Variants in PSG1 observed in about 807,000 individuals in gnomAD.
PSG1 encodes the protein pregnancy specific beta-1-glycoprotein 1, also known as pregnancy-specific beta-1-glycoprotein 1.
PSG1 carries 60 observed loss-of-function variants against 41.4 expected under a neutral mutation model. The observed-to-expected ratio is 1.45, with a 90% confidence interval of 1.18 to 1.80. The LOEUF (loss-of-function observed/expected upper bound fraction) is 1.80. PSG1 is among the 40% of genes most tolerant of loss of function. The probability of loss-of-function intolerance (pLI) is 0.00; values close to 1 mark genes in which losing one functional copy is unlikely to be tolerated. For synonymous variants in PSG1, 256 were observed against 192.9 expected, an observed-to-expected ratio of 1.33 and a Z score of -2.71; for missense variants, 806 against 516.9, an observed-to-expected ratio of 1.56 and a Z score of -5.42.
rs1047349884 is a variant in PSG1, at chr19:42,868,109, T to C, written c.1235A>G (p.Glu412Gly). ...GKESSKSMTV[E>G]VSDWTVP is the part of the protein sequence containing the mutation. ...TGCTGGGATCCACTTACCAGAGACT[T>C]CGACTGTCATGGATTTGGAGCTTTC... Residue 412 changes from glutamate (E) to glycine (G), a missense_variant, in exon 5 of 6, where the codon GAA (glutamate) becomes GGA (glycine). Physicochemically the swap from Glu to Gly is moderately conservative, Grantham distance 98 (BLOSUM62 -2). Transcript: ENST00000436291. 6.2e-7 allele frequency: 1 copy of C among 1,612,256 alleles called. No homozygotes were observed. Among genetic ancestry groups the C allele is most frequent in the Non-Finnish European group, 8.5e-7 (1 of 1,179,108 alleles).
chr19:42,867,190 G>A (rs761589282), intron 5 of PSG1, 40 bp from the exon 6 acceptor site: 3 of 765,280 alleles, frequency 3.9e-6, no homozygotes, highest in South Asian at 2.7e-5. Flanking sequence ...AATGAACAGA[G>A]CTGCAGTCTC....
At position 42,879,655 on chromosome 19, in the gene PSG1, A is replaced by C; in HGVS notation, c.-74T>G. ...CAGAAACTCTCTGAGCACGGCTGTC[A>C]GCTGTGCTGTCCTTCCTCTTTCTGT... On this transcript the variant is annotated 5_prime_UTR_variant, in exon 1 of 6. Transcript: ENST00000436291. The C allele has an allele frequency of 6.3e-7, 1 of 1,580,032 alleles. No homozygotes were observed. The highest frequency in any genetic ancestry group is 2.3e-5 in the East Asian group (1 of 43,772).
intron 2 of PSG1, 74 bp from the exon 3 acceptor site, chr19:42,872,119 T>C (rs1971420127): frequency 3.2e-6 from 5 of 1,549,026 alleles, no homozygotes; most frequent in Non-Finnish European, 1.7e-6. Flanking sequence ...TCAATCAGAA[T>C]TGGCATTTCC....
At chr19:42,871,068 A>G (rs547792297) in intron 3 of PSG1, among the ~76,000 whole-genome samples, 1 of 151,570 alleles carries the variant, frequency 6.6e-6, no homozygotes, top group Non-Finnish European at 1.5e-5. Flanking sequence ...GATAGACTTC[A>G]CTGGAAAACA....
Position 42,870,856 on chromosome 19 carries a change from T to G in PSG1, c.709+911A>C, listed in dbSNP as rs185435999. ...TTACTCCAAAATATTTTATTCCTTT[T>G]GATGTTAATGTGAATTGAAATTATT... On this transcript the variant is annotated intron_variant, in intron 3 of 5. Coordinates refer to ENST00000436291, the MANE Select transcript of PSG1 (RefSeq NM_001184825.2). Among the ~76,000 whole-genome samples, 701 of 151,852 alleles carry G rather than the reference T, an allele frequency of 4.6e-3. 23 individuals are homozygous for G. The highest frequency in any genetic ancestry group is 7.0e-3 in the Non-Finnish European group (472 of 67,890).
chr19:42,877,075 T>C (rs1231752374), intron 2 of PSG1, among the ~76,000 whole-genome samples: 3 of 151,754 alleles, frequency 2.0e-5, no homozygotes, highest in African/African-American at 7.3e-5. Context: ...TGTTAAATTA[T>C]TCACAGTCAC....
intron 2 of PSG1, among the ~76,000 whole-genome samples, chr19:42,873,899 G>A (rs1475068386): frequency 6.6e-6 from 1 of 151,626 alleles, no homozygotes; most frequent in African/African-American, 2.4e-5. Context: ...TTAAGCTCAG[G>A]AAACACCACT....
In PSG1 at chr19:42,866,831, G is replaced by A. The variant is rs558729952; in HGVS notation, c.*303C>T. On this transcript the variant is annotated 3_prime_UTR_variant, in exon 6 of 6. Coordinates refer to ENST00000436291, the MANE Select transcript of PSG1 (RefSeq NM_001184825.2). ...TGCCAAGTGAAAGAGGCAGGCATGA[G>A]CAAGGACAGTTAAGAGGGGGGAGAG... 2 of 603,362 alleles carry A rather than the reference G, an allele frequency of 3.3e-6. No homozygotes were observed. Among genetic ancestry groups the A allele is most frequent in the South Asian group, 2.0e-5 (1 of 50,944 alleles). The allele number at this position is 603,362 out of a possible 1,614,324, so 37.4% of individuals were successfully genotyped here.
At chr19:42,868,643 G>A in intron 4 of PSG1, 113 bp downstream of exon 4, 2 of 1,555,472 alleles carry the variant, frequency 1.3e-6, no homozygotes, top group South Asian at 2.5e-5. Flanking sequence ...CAGCTCCGAT[G>A]TCCAGAAGTA....
Position 42,879,645 on chromosome 19 carries a change from C to T in PSG1, c.-64G>A, listed in dbSNP as rs112166453. 0.012 allele frequency: 19,438 copies of T among 1,593,716 alleles called. 564 individuals are homozygous for T. Among genetic ancestry groups the T allele is most frequent in the Non-Finnish European group, 0.013 (15,644 of 1,166,784 alleles). ...GCCTAGGATCCAGAAACTCTCTGAG[C>T]ACGGCTGTCAGCTGTGCTGTCCTTC... is the stretch of plus-strand genomic sequence containing the variant. On this transcript the variant is annotated 5_prime_UTR_variant, in exon 1 of 6. Transcript: ENST00000436291.
At position 42,873,240 on chromosome 19, in the gene PSG1, A is replaced by G. The variant is rs542450419; in HGVS notation, c.431-1195T>C. Among the ~76,000 whole-genome samples the G allele has an allele frequency of 3.0e-4, 45 of 151,774 alleles. 1 individual carries two copies. The highest frequency in any genetic ancestry group is 1.1e-3 in the African/African-American group (45 of 41,400). On this transcript the variant is annotated intron_variant, in intron 2 of 5. Coordinates refer to ENST00000436291, the MANE Select transcript of PSG1 (RefSeq NM_001184825.2). Reference sequence around the variant, plus strand: ...TGAAACTAAGTGTTTTGGATGTCTAATTATTTTTTTATTTTGGAATATTTG... The same window carrying G: ...TGAAACTAAGTGTTTTGGATGTCTAGTTATTTTTTTATTTTGGAATATTTG...
intron 1 of PSG1, among the ~76,000 whole-genome samples, chr19:42,879,232 A>C (rs1971761459): frequency 6.8e-6 from 1 of 147,728 alleles, no homozygotes; most frequent in Non-Finnish European, 1.5e-5. Context: ...AGCTATCTGC[A>C]ACTTCTGCCT....
chr19:42,876,528 T>A (rs1253507233), intron 2 of PSG1, among the ~76,000 whole-genome samples: 1 of 151,400 alleles, frequency 6.6e-6, no homozygotes, highest in Non-Finnish European at 1.5e-5. Flanking sequence ...CTTCATTCCA[T>A]TCCTTCATTT....
At chr19:42,867,650 TG>T (rs1881539868) in intron 5 of PSG1, 2 of 748,208 alleles carry the variant, frequency 2.7e-6, no homozygotes, top group Non-Finnish European at 2.4e-6. Context: ...TCAATTCTCA[TG>T]AATAGTTGCC....
intron 5 of PSG1, chr19:42,867,572 T>C (rs1971183599): frequency 3.1e-6 from 2 of 648,868 alleles, no homozygotes; most frequent in Non-Finnish European, 5.5e-6. Context: ...TGATTTCAAA[T>C]GTGTCATGTT....
rs1971702339 is a variant in PSG1, at chr19:42,878,219, G to T, written c.124C>A (p.Pro42Thr). 2.5e-6 allele frequency: 4 copies of T among 1,611,150 alleles called. No individual in the cohort carries two copies. The highest frequency in any genetic ancestry group is 2.7e-5 in the African/African-American group (2 of 74,522). The change falls in exon 2 of 6, where the codon CCA becomes ACA. Residue 42 changes from proline (P) to threonine (T), a missense_variant. By Grantham distance (38) the Pro-to-Thr change is conservative. Coordinates refer to ENST00000436291, the MANE Select transcript of PSG1 (RefSeq NM_001184825.2). ...TCCTTCCCCTCGGAAACTTTGGTTG[G>T]CTCGGCTTCAATCGTGACTTGGGCA... The part of the protein sequence containing the change: ...TTAQVTIEAE[P>T]TKVSEGKDVL...
chr19:42,868,987 C>A lies in PSG1; in HGVS notation c.757G>T (p.Glu253Ter), dbSNP rs778518012. The change falls in exon 4 of 6, where the codon GAG becomes TAG. Residue 253 changes from glutamate to a stop codon, truncating the protein, a stop_gained. Coordinates refer to ENST00000436291, the MANE Select transcript of PSG1 (RefSeq NM_001184825.2). LOFTEE classifies it high-confidence loss of function. ...YITINNLNPR[E>*]NKDVLNFTCE... ...GTGAAGTTTAAGACATCCTTATTCTCCCTGGGGTTTAAGTTGTTGATGGTG... is the reference window on the plus strand; with the variant it reads ...GTGAAGTTTAAGACATCCTTATTCTACCTGGGGTTTAAGTTGTTGATGGTG... 6.2e-7 allele frequency: 1 copy of A among 1,610,620 alleles called. No individual in the cohort carries two copies.
Position 42,868,931 on chromosome 19 carries a change from G to A in PSG1, c.813C>T (p.Tyr271=). 6.2e-7 allele frequency: 1 copy of A among 1,610,596 alleles called. No individual in the cohort carries two copies. Among genetic ancestry groups the A allele is most frequent in the South Asian group, 1.1e-5 (1 of 90,734 alleles). Residue 271 remains tyrosine (Y), a synonymous_variant, in exon 4 of 6, where the codon TAC becomes TAT. Transcript: ENST00000436291. ...GGCTCTGACCATTTAGCCACCAAAT[G>A]TAGGTGTAGTTCTCACTCTTAGGTT... ...TCEPKSENYT[Y]IWWLNGQSLP... is the part of the protein sequence containing the mutation.
chr19:42,867,974 A>G (rs931619700), intron 5 of PSG1, 127 bp downstream of exon 5: 2 of 1,599,022 alleles, frequency 1.3e-6, no homozygotes, highest in African/African-American at 1.3e-5. Context: ...GTTCAGGAGG[A>G]GAATTTGGGA....
Sources: allele counts gnomAD v4.1 joint callset (sites outside exome capture counted in the v4.1 genomes callset), GRCh38; gene constraint gnomAD v4.1.1; transcripts MANE v1.5; gene names NCBI Gene and HGNC (gene_info 2026-07-23, HGNC 2026-07-21).